Variants in GAREM1 observed in about 807,000 individuals in gnomAD.
The protein encoded by GAREM1 is GRB2 associated regulator of MAPK1 subtype 1.
Under a neutral mutation model 71.3 loss-of-function variants are expected in GAREM1, and 26 were observed. That is an observed-to-expected ratio of 0.36 (90% CI 0.27 to 0.51). The LOEUF (loss-of-function observed/expected upper bound fraction) is 0.51. Among genes scored for constraint, GAREM1 ranks in the 20% least tolerant of loss-of-function variants. The pLI, the probability that GAREM1 is intolerant of heterozygous loss-of-function variation, is 0.95. For missense variants in GAREM1, 1,026 were observed against 1,103.1 expected (o/e 0.93, Z 0.99); for synonymous variants, 440 against 433.2 (o/e 1.02, Z -0.20).
intron 1 of GAREM1, among the ~76,000 whole-genome samples, chr18:32,451,282 A>C (rs1044284050): frequency 6.8e-6 from 1 of 146,602 alleles, no homozygotes; most frequent in African/African-American, 2.6e-5. Flanking sequence ...TTTCATCTCA[A>C]CTGTGAAGAC....
chr18:32,362,462 C>A (rs144047629), intron 2 of GAREM1, among the ~76,000 whole-genome samples: 1 of 152,042 alleles, frequency 6.6e-6, no homozygotes, highest in South Asian at 2.1e-4. Flanking sequence ...TATATGTAGC[C>A]GGTCAATAAT....
chr18:32,406,308 C>T (rs59211646), intron 1 of GAREM1, among the ~76,000 whole-genome samples: 20,329 of 152,070 alleles, frequency 0.13, 1,570 homozygotes, highest in African/African-American at 0.21. Flanking sequence ...TGGATTACAG[C>T]GTGAGCCACC....
At chr18:32,355,201 C>T (rs974068118) in intron 2 of GAREM1, among the ~76,000 whole-genome samples, 9 of 152,044 alleles carry the variant, frequency 5.9e-5, no homozygotes, top group Admixed American at 5.2e-4. Flanking sequence ...GAACTTGTGT[C>T]TAATTATGGT....
At chr18:32,386,287 T>C (rs1253061645) in intron 2 of GAREM1, among the ~76,000 whole-genome samples, 1 of 152,196 alleles carries the variant, frequency 6.6e-6, no homozygotes, top group Non-Finnish European at 1.5e-5. Context: ...TAATTACAAT[T>C]CAAGGTTATG....
At chr18:32,333,673 T>C (rs1243038605) in intron 2 of GAREM1, among the ~76,000 whole-genome samples, 1 of 152,322 alleles carries the variant, frequency 6.6e-6, no homozygotes, top group Non-Finnish European at 1.5e-5. Flanking sequence ...GGCTGTGTGA[T>C]TTCCTGTGAA....
chr18:32,398,861 CAA>C (rs2048283772), intron 1 of GAREM1, among the ~76,000 whole-genome samples: 2 of 151,948 alleles, frequency 1.3e-5, no homozygotes, highest in Admixed American at 1.3e-4. Flanking sequence ...AGAGACACAA[CAA>C]AAAAAGAGAA....
chr18:32,301,426 C>T (rs1226084912), intron 3 of GAREM1, among the ~76,000 whole-genome samples: 1 of 152,176 alleles, frequency 6.6e-6, no homozygotes, highest in Non-Finnish European at 1.5e-5. Flanking sequence ...AGCCAATCCT[C>T]TAAGATGGAT....
intron 2 of GAREM1, among the ~76,000 whole-genome samples, chr18:32,329,355 A>T (rs543043469): frequency 2.9e-4 from 44 of 152,000 alleles, no homozygotes; most frequent in African/African-American, 9.9e-4. Context: ...TAGCTTGGGC[A>T]ACGGAGCAAG....
At chr18:32,365,718 C>G (rs968537757) in intron 2 of GAREM1, among the ~76,000 whole-genome samples, 9 of 152,142 alleles carry the variant, frequency 5.9e-5, no homozygotes, top group African/African-American at 2.2e-4. Context: ...TCCAACTCTG[C>G]CACCAGCACT....
At chr18:32,406,811 T>G (rs2048371026) in intron 1 of GAREM1, among the ~76,000 whole-genome samples, 1 of 152,134 alleles carries the variant, frequency 6.6e-6, no homozygotes, top group Admixed American at 6.6e-5. Flanking sequence ...AAGAAACTGC[T>G]TTTAGCCCAA....
intron 3 of GAREM1, among the ~76,000 whole-genome samples, chr18:32,297,048 C>T (rs576018379): frequency 1.3e-4 from 20 of 152,344 alleles, no homozygotes; most frequent in Admixed American, 1.2e-3. Flanking sequence ...TATTGGGACA[C>T]TGCCACACCC....
chr18:32,429,319 C>T (rs968178), intron 1 of GAREM1, among the ~76,000 whole-genome samples: 32,903 of 151,990 alleles, frequency 0.22, 4,201 homozygotes, highest in East Asian at 0.38. Flanking sequence ...GTCCATGATC[C>T]TTTGGCAAGG....
intron 2 of GAREM1, among the ~76,000 whole-genome samples, chr18:32,351,147 A>T (rs965297249): frequency 6.6e-6 from 1 of 152,156 alleles, no homozygotes; most frequent in African/African-American, 2.4e-5. Context: ...CAATGATGCT[A>T]TTTTGATGGA....
chr18:32,435,575 G>A (rs1487523658), intron 1 of GAREM1, among the ~76,000 whole-genome samples: 1 of 151,956 alleles, frequency 6.6e-6, no homozygotes, highest in Admixed American at 6.6e-5. Context: ...TAGCCAACAA[G>A]GTTTTTTTAA....
chr18:32,293,231 C>G (rs2047104832), intron 3 of GAREM1, among the ~76,000 whole-genome samples: 2 of 152,096 alleles, frequency 1.3e-5, no homozygotes, highest in Non-Finnish European at 2.9e-5. Context: ...AAATCATTCC[C>G]CACTGAGAGG....
chr18:32,345,082 C>A (rs889323746), intron 2 of GAREM1, among the ~76,000 whole-genome samples: 5 of 151,842 alleles, frequency 3.3e-5, no homozygotes, highest in Non-Finnish European at 5.9e-5. Flanking sequence ...AAAACAAAAA[C>A]CAAAAACCAA....
At chr18:32,389,259 T>C (rs1313456949) in intron 2 of GAREM1, among the ~76,000 whole-genome samples, 1 of 152,136 alleles carries the variant, frequency 6.6e-6, no homozygotes, top group East Asian at 1.9e-4. Flanking sequence ...TGAAGAGTAA[T>C]TCAACTTGTA....
intron 4 of GAREM1, among the ~76,000 whole-genome samples, chr18:32,283,537 C>G (rs1000360197): frequency 6.6e-6 from 1 of 151,566 alleles, no homozygotes; most frequent in African/African-American, 2.4e-5. Context: ...CAGAGCCAGA[C>G]TCTGTCTCAA....
At chr18:32,441,671 C>T (rs1346334107) in intron 1 of GAREM1, among the ~76,000 whole-genome samples, 1 of 152,162 alleles carries the variant, frequency 6.6e-6, no homozygotes, top group African/African-American at 2.4e-5. Context: ...TTTATTTCCC[C>T]GTTTCAGTCA....
Sources: gnomAD v4.1 joint callset for allele counts (sites outside exome capture counted in the v4.1 genomes callset) on GRCh38, gnomAD v4.1.1 for gene constraint, MANE v1.5 for transcripts, NCBI Gene and HGNC (gene_info 2026-07-23, HGNC 2026-07-21) for gene names.